Variants in TFPI observed in about 807,000 individuals in gnomAD.
The protein encoded by TFPI is tissue factor pathway inhibitor.
TFPI carries 15 observed loss-of-function variants against 34.6 expected under a neutral mutation model. The observed-to-expected ratio is 0.43, with a 90% CI of 0.29 to 0.67. The LOEUF (loss-of-function observed/expected upper bound fraction) is 0.67. TFPI is among the 30% of genes least tolerant of loss of function. The pLI, the probability that TFPI is intolerant of heterozygous loss-of-function variation, is 0.15. For synonymous variants in TFPI, 105 were observed against 120.1 expected (o/e 0.87, Z 0.82); for missense variants, 301 against 364.0 (o/e 0.83, Z 1.41).
chr2:187,545,106 G>A (rs1688790097), intron 1 of TFPI, among the ~76,000 whole-genome samples: 2 of 151,772 alleles, frequency 1.3e-5, no homozygotes, highest in South Asian at 2.1e-4. Flanking sequence ...GGGAGACCCT[G>A]TTTCAAAAAA....
chr2:187,528,274 G>A (rs1359508760), intron 1 of TFPI, among the ~76,000 whole-genome samples: 1 of 152,116 alleles, frequency 6.6e-6, no homozygotes, highest in Admixed American at 6.5e-5. Context: ...GGGCAAAGAA[G>A]TTCACCCAAC....
In TFPI at chr2:187,508,882, A is replaced by G. The variant is rs1686419987; in HGVS notation, c.-2-5112T>C. On this transcript the variant is annotated intron_variant, in intron 1 of 7. Transcript: ENST00000233156. ...CATCTTTGTCTTGTACTGGCTTTCA[A>G]AGGGAATGCTTCCAGGTTTTGCCCA... is the stretch of plus-strand genomic sequence containing the variant. 2.0e-5 allele frequency among the ~76,000 whole-genome samples: 3 copies of G among 152,276 alleles called. No individual in the cohort carries two copies. In the South Asian group the frequency reaches 6.2e-4, roughly 32 times the overall value.
chr2:187,525,343 C>A (rs556931445), intron 1 of TFPI, among the ~76,000 whole-genome samples: 6 of 152,080 alleles, frequency 3.9e-5, no homozygotes, highest in Non-Finnish European at 8.8e-5. Context: ...ACTTTGTCTC[C>A]AGCATCATCT....
chr2:187,527,847 G>T (rs1409161661), intron 1 of TFPI, among the ~76,000 whole-genome samples: 1 of 151,980 alleles, frequency 6.6e-6, no homozygotes, highest in African/African-American at 2.4e-5. Flanking sequence ...TGCTATGCAG[G>T]TACGTTGAAT....
chr2:187,477,626 C>T (rs982841655), intron 6 of TFPI, among the ~76,000 whole-genome samples: 11 of 151,796 alleles, frequency 7.2e-5, no homozygotes, highest in African/African-American at 1.9e-4. Flanking sequence ...CAACAAGAGG[C>T]GAGATAATAA....
intron 3 of TFPI, among the ~76,000 whole-genome samples, chr2:187,494,417 G>A (rs1399485818): frequency 1.3e-5 from 2 of 152,194 alleles, no homozygotes; most frequent in East Asian, 1.9e-4. Context: ...GGTTCTGAAT[G>A]CCTTCACACA....
intron 1 of TFPI, among the ~76,000 whole-genome samples, chr2:187,538,891 G>A (rs765537607): frequency 2.3e-4 from 35 of 152,180 alleles, no homozygotes; most frequent in Admixed American, 2.0e-4. Flanking sequence ...TGTGTTTGTA[G>A]TCTAATATTT....
At chr2:187,523,121 G>GT (rs1687495857) in intron 1 of TFPI, among the ~76,000 whole-genome samples, 1 of 152,020 alleles carries the variant, frequency 6.6e-6, no homozygotes, top group Admixed American at 6.5e-5. Flanking sequence ...AATTTGATGA[G>GT]TTTGTGCAGT....
chr2:187,476,326 AT>A (rs749184369), intron 6 of TFPI, among the ~76,000 whole-genome samples: 16 of 152,044 alleles, frequency 1.1e-4, no homozygotes, highest in Non-Finnish European at 2.1e-4. Context: ...CAGAGTTGGA[AT>A]TTTCCTGATC....
chr2:187,488,113 A>G (rs1225434443), intron 4 of TFPI, among the ~76,000 whole-genome samples: 1 of 151,376 alleles, frequency 6.6e-6, no homozygotes, highest in Non-Finnish European at 1.5e-5. Flanking sequence ...ATGTCCATTG[A>G]ATCATGCAAC....
intron 5 of TFPI, chr2:187,484,485 G>A: frequency 2.0e-6 from 1 of 496,356 alleles, no homozygotes; most frequent in East Asian, 3.4e-5. Flanking sequence ...GTGACTTTAG[G>A]TGGTGGTTTT....
At chr2:187,526,984 T>A (rs1026541836) in intron 1 of TFPI, 1 of 152,216 alleles carries the variant, frequency 6.6e-6, no homozygotes, top group African/African-American at 2.4e-5. Context: ...ATTTGGCTGA[T>A]CTCCAGGGGG....
intron 3 of TFPI, among the ~76,000 whole-genome samples, chr2:187,494,030 G>A (rs1317225814): frequency 3.3e-5 from 5 of 152,082 alleles, no homozygotes; most frequent in Non-Finnish European, 7.3e-5. Flanking sequence ...CCATTCTACT[G>A]GTACCAATTT....
At chr2:187,468,635 G>T (rs910170108) in intron 6 of TFPI, among the ~76,000 whole-genome samples, 4 of 151,996 alleles carry the variant, frequency 2.6e-5, no homozygotes, top group African/African-American at 9.7e-5. Flanking sequence ...TTGTCAATGG[G>T]ATCAATCAAT....
intron 6 of TFPI, among the ~76,000 whole-genome samples, chr2:187,469,285 A>G (rs1192383147): frequency 2.0e-5 from 3 of 152,108 alleles, no homozygotes; most frequent in Admixed American, 1.3e-4. Flanking sequence ...GCCAAACTAT[A>G]TCAATAAGAT....
intron 1 of TFPI, among the ~76,000 whole-genome samples, chr2:187,527,654 A>G (rs1446109263): frequency 6.6e-6 from 1 of 152,216 alleles, no homozygotes; most frequent in Non-Finnish European, 1.5e-5. Context: ...TTAAAAAGAT[A>G]AAATTTTGTA....
intron 1 of TFPI, among the ~76,000 whole-genome samples, chr2:187,532,833 G>C (rs1688039166): frequency 6.6e-6 from 1 of 152,166 alleles, no homozygotes; most frequent in South Asian, 2.1e-4. Flanking sequence ...CCACTGGTTT[G>C]AAATTCTTGC....
rs769534080 is a variant in TFPI at position 187,490,892 on chromosome 2, T to C, written c.320-2517A>G. The stretch of plus-strand genomic sequence containing the variant: ...TGGGCCTATTTGTTATTTCTGCTTG[T>C]TTCATTTTTTTAATGGTTGCTTTAA... On this transcript the variant is annotated intron_variant, in intron 3 of 7. Coordinates refer to ENST00000233156, the MANE Select transcript of TFPI (RefSeq NM_006287.6). 6.3e-4 allele frequency among the ~76,000 whole-genome samples: 95 copies of C among 151,874 alleles called. 1 individual carries two copies. The highest frequency in any genetic ancestry group is 3.7e-4 in the Non-Finnish European group (25 of 67,786).
At chr2:187,498,667 A>T (rs2106094983) in intron 2 of TFPI, among the ~76,000 whole-genome samples, 1 of 152,074 alleles carries the variant, frequency 6.6e-6, no homozygotes, top group Non-Finnish European at 1.5e-5. Context: ...ACATAATACC[A>T]TCTCATTATT....
Sources: gnomAD v4.1 joint callset for allele counts (sites outside exome capture counted in the v4.1 genomes callset) on GRCh38, gnomAD v4.1.1 for gene constraint, MANE v1.5 for transcripts, NCBI Gene and HGNC (gene_info 2026-07-23, HGNC 2026-07-21) for gene names.